CDKL3: variants seen among roughly 807,000 people sequenced by gnomAD.
CDKL3 encodes cyclin dependent kinase like 3.
Under a neutral mutation model 69.3 loss-of-function variants are expected in CDKL3, and 65 were observed. That is an observed-to-expected ratio of 0.94 (90% CI 0.77 to 1.15). The LOEUF (loss-of-function observed/expected upper bound fraction) is 1.15. Among genes scored for constraint, CDKL3 ranks in the 50% most tolerant of loss-of-function variants. CDKL3 has a pLI of 0.00. For missense variants in CDKL3, 652 were observed against 689.2 expected, an observed-to-expected ratio of 0.95 and a Z score of 0.61; for synonymous variants, 202 against 221.6, an observed-to-expected ratio of 0.91 and a Z score of 0.79.
intron 12 of CDKL3, 69 bp from the exon 13 acceptor site, chr5:134,298,779 C>T (rs561429362): frequency 6.4e-7 from 1 of 1,559,678 alleles, no homozygotes; most frequent in Admixed American, 2.0e-5. Flanking sequence ...AAAACTCTGA[C>T]TTTATTAATG....
intron 8 of CDKL3, among the ~76,000 whole-genome samples, chr5:134,293,199 T>C (rs557934671): frequency 4.6e-5 from 7 of 151,832 alleles, no homozygotes; most frequent in Non-Finnish European, 1.0e-4. Flanking sequence ...TTTGTATTTT[T>C]AGTAGGCACG....
intron 3 of CDKL3, among the ~76,000 whole-genome samples, chr5:134,356,962 A>G (rs1281941544): frequency 6.6e-6 from 1 of 151,742 alleles, no homozygotes; most frequent in Non-Finnish European, 1.5e-5. Context: ...TTTCTTGCCC[A>G]TCCTATGCTG....
chr5:134,333,049 T>C (rs2149528524), intron 4 of CDKL3, among the ~76,000 whole-genome samples: 1 of 152,340 alleles, frequency 6.6e-6, no homozygotes, highest in East Asian at 1.9e-4. Flanking sequence ...TTATTCTGTT[T>C]GTAGTAATTG....
chr5:134,323,501 A>T (rs956010569), intron 4 of CDKL3, among the ~76,000 whole-genome samples: 2 of 152,222 alleles, frequency 1.3e-5, no homozygotes, highest in African/African-American at 2.4e-5. Flanking sequence ...ATAGTATGGT[A>T]TTGGTGAAAG....
At chr5:134,361,269 A>T (rs1271089164) in intron 2 of CDKL3, among the ~76,000 whole-genome samples, 3 of 148,658 alleles carry the variant, frequency 2.0e-5, no homozygotes, top group African/African-American at 7.4e-5. Context: ...TTTTTTTTTT[A>T]AGAGAACAAG....
upstream of CDKL3, among the ~76,000 whole-genome samples, chr5:134,369,456 C>T (rs1203565723): frequency 6.6e-6 from 1 of 152,156 alleles, no homozygotes; most frequent in East Asian, 1.9e-4. Context: ...CAGCATTGCC[C>T]TAATCTTGCC....
At chr5:134,304,764 C>T (rs1269621957) in intron 10 of CDKL3, among the ~76,000 whole-genome samples, 197 bp from the exon 11 acceptor site, 3 of 150,926 alleles carry the variant, frequency 2.0e-5, no homozygotes, top group Non-Finnish European at 4.4e-5. Context: ...GCAAACATTT[C>T]TAGCATATTT....
At chr5:134,319,148 C>A (rs1015966955) in intron 6 of CDKL3, 1 of 352,604 alleles carries the variant, frequency 2.8e-6, no homozygotes, top group Non-Finnish European at 5.0e-6. Context: ...ACAGCCAACA[C>A]GGTGAAACCC....
chr5:134,346,619 C>G (rs775173864), intron 4 of CDKL3, among the ~76,000 whole-genome samples: 31 of 152,134 alleles, frequency 2.0e-4, no homozygotes, highest in Non-Finnish European at 3.7e-4. Flanking sequence ...GCCTCAGTCT[C>G]TCGAGTAGCT....
rs1348202629 is a variant in CDKL3 at position 134,319,630 on chromosome 5, T to C, written c.653-133A>G. 7.9e-6 allele frequency: 7 copies of C among 880,952 alleles called. No individual in the cohort carries two copies. In the Admixed American group the frequency reaches 2.6e-4, roughly 33 times the overall value. The allele number at this position is 880,952 out of a possible 1,614,324, so 54.6% of individuals were successfully genotyped here. ...AAGAATGTGAATTATGTATTTTAAT[T>C]TTTTGAAGTTGAATAAAAACTATCT... On this transcript the variant is annotated intron_variant, in intron 5 of 12. Coordinates refer to ENST00000265334, the MANE Select transcript of CDKL3 (RefSeq NM_001113575.2).
At chr5:134,343,281 T>C (rs976597487) in intron 4 of CDKL3, among the ~76,000 whole-genome samples, 4 of 151,966 alleles carry the variant, frequency 2.6e-5, no homozygotes, top group African/African-American at 9.7e-5. Context: ...ATTGAGATTC[T>C]AGAAATAAGC....
chr5:134,328,886 G>A (rs1470698345), intron 4 of CDKL3, among the ~76,000 whole-genome samples: 1 of 152,124 alleles, frequency 6.6e-6, no homozygotes, highest in African/African-American at 2.4e-5. Flanking sequence ...CAACAAAAAC[G>A]CCTATATCTA....
intron 4 of CDKL3, among the ~76,000 whole-genome samples, chr5:134,335,317 T>C (rs1160880273): frequency 1.3e-5 from 2 of 152,158 alleles, no homozygotes; most frequent in African/African-American, 4.8e-5. Context: ...ATTTAGCTCA[T>C]TTACATTTAA....
At chr5:134,320,423 C>G (rs1327871914) in intron 5 of CDKL3, among the ~76,000 whole-genome samples, 1 of 151,746 alleles carries the variant, frequency 6.6e-6, no homozygotes, top group Non-Finnish European at 1.5e-5. Context: ...ACTAAAAACG[C>G]AAAAATTAGC....
chr5:134,321,018 T>C (rs946354767), intron 5 of CDKL3, among the ~76,000 whole-genome samples: 2 of 144,362 alleles, frequency 1.4e-5, no homozygotes, highest in Admixed American at 6.8e-5. Flanking sequence ...TTTTTTTTTT[T>C]TTTTTTTTGA....
intron 4 of CDKL3, 79 bp downstream of exon 4, chr5:134,350,170 A>G: frequency 9.0e-7 from 1 of 1,115,864 alleles, no homozygotes. Context: ...CCTGGGTGAC[A>G]GAGCAACACG....
intron 2 of CDKL3, among the ~76,000 whole-genome samples, chr5:134,362,969 T>C (rs1301800815): frequency 6.6e-6 from 1 of 152,026 alleles, no homozygotes; most frequent in Non-Finnish European, 1.5e-5. Context: ...CCAATGAGAA[T>C]AGTTAGGGTA....
At chr5:134,366,312 A>T in intron 2 of CDKL3, 47 bp downstream of exon 2, 3 of 1,379,042 alleles carry the variant, frequency 2.2e-6, no homozygotes, top group Non-Finnish European at 2.9e-6. Context: ...TTTATTCCAT[A>T]ACAATTTTTT....
chr5:134,361,062 T>C (rs143038134), intron 2 of CDKL3, among the ~76,000 whole-genome samples: 71 of 152,324 alleles, frequency 4.7e-4, no homozygotes, highest in Middle Eastern at 3.4e-3. Flanking sequence ...GCAACAATTA[T>C]TGCTAAAATA....
Sources: gnomAD v4.1 joint callset for allele counts (sites outside exome capture counted in the v4.1 genomes callset) on GRCh38, gnomAD v4.1.1 for gene constraint, MANE v1.5 for transcripts, NCBI Gene and HGNC (gene_info 2026-07-23, HGNC 2026-07-21) for gene names.